CAMKMT: variants seen among roughly 807,000 people sequenced by gnomAD.
The protein encoded by CAMKMT is CaM KMT.
In CAMKMT, 53 loss-of-function variants were observed where a neutral mutation model predicts 48.0. The ratio of observed to expected loss-of-function variants is 1.10; its 90% CI spans 0.89 to 1.39. CAMKMT has a LOEUF of 1.39. Ranked by LOEUF, CAMKMT falls within the 40% of genes most tolerant of loss-of-function variation. The probability of loss-of-function intolerance (pLI) is 0.00; values close to 1 mark genes in which losing one functional copy is unlikely to be tolerated. For missense variants in CAMKMT, 428 were observed against 402.7 expected, an observed-to-expected ratio of 1.06 and a Z score of -0.54; for synonymous variants, 165 against 152.3, an observed-to-expected ratio of 1.08 and a Z score of -0.61.
At chr2:44,488,028 G>A (rs761906363) in intron 3 of CAMKMT, among the ~76,000 whole-genome samples, 28 of 152,188 alleles carry the variant, frequency 1.8e-4, no homozygotes, top group Non-Finnish European at 3.2e-4. Flanking sequence ...GTATGTAAGA[G>A]AACTCTAAAA....
rs143101225 is a variant in CAMKMT, at chr2:44,383,747, G to A, written c.312-6494G>A. On this transcript the variant is annotated intron_variant, in intron 2 of 10. Transcript: ENST00000378494. ...ATATGATGTTTGATTTTCCATTCCC[G>A]AGTTACTTCATTTAGAATAATAGTC... is the stretch of plus-strand genomic sequence containing the variant. Among the ~76,000 whole-genome samples, 526 of 152,152 alleles carry A rather than the reference G, an allele frequency of 3.5e-3. 2 individuals carry two copies. Among genetic ancestry groups the A allele is most frequent in the African/African-American group, 0.012 (490 of 41,486 alleles).
chr2:44,659,236 C>G (rs77798828), intron 3 of CAMKMT, among the ~76,000 whole-genome samples: 222 of 151,760 alleles, frequency 1.5e-3, no homozygotes, highest in African/African-American at 4.7e-3. Context: ...GCTTAGGCAA[C>G]ATAGTGAGAC....
chr2:44,595,927 T>C (rs1015424226), intron 3 of CAMKMT, among the ~76,000 whole-genome samples: 1 of 143,320 alleles, frequency 7.0e-6, no homozygotes, highest in Admixed American at 7.3e-5. Flanking sequence ...AAGTGGGAGC[T>C]GAACAATGAG....
rs145817820 is a variant in CAMKMT, at chr2:44,679,144, A to G, written c.377-25139A>G. Among the ~76,000 whole-genome samples, 1,363 of 152,290 alleles carry G rather than the reference A, an allele frequency of 9.0e-3. 11 individuals carry two copies. Among genetic ancestry groups the G allele is most frequent in the Non-Finnish European group, 0.015 (1,017 of 68,020 alleles). The stretch of plus-strand genomic sequence containing the variant: ...CATGGAGTTCAGGGTGGAAGTATTA[A>G]CTCAGAAAGTCAAACTCCAGTGTTT... On this transcript the variant is annotated intron_variant, in intron 3 of 10. Coordinates refer to ENST00000378494, the MANE Select transcript of CAMKMT (RefSeq NM_024766.5).
chr2:44,598,600 G>T (rs1434165692), intron 3 of CAMKMT, among the ~76,000 whole-genome samples: 1 of 150,528 alleles, frequency 6.6e-6, no homozygotes, highest in Admixed American at 6.7e-5. Context: ...TAGAATGTTA[G>T]CACAAAGTAG....
intron 3 of CAMKMT, among the ~76,000 whole-genome samples, chr2:44,647,943 C>T (rs1218059284): frequency 4.5e-5 from 6 of 134,010 alleles, no homozygotes; most frequent in African/African-American, 1.6e-4. Flanking sequence ...AAACTATGAA[C>T]AGCAATGATT....
At chr2:44,754,244 C>T (rs1223658372) in intron 9 of CAMKMT, 126 bp downstream of exon 9, 1 of 705,300 alleles carries the variant, frequency 1.4e-6, no homozygotes, top group African/African-American at 1.8e-5. Flanking sequence ...TTATGTCCAA[C>T]TTCAATTGGG....
chr2:44,582,631 T>A (rs1669627234), intron 3 of CAMKMT, among the ~76,000 whole-genome samples: 1 of 152,110 alleles, frequency 6.6e-6, no homozygotes, highest in South Asian at 2.1e-4. Flanking sequence ...TGGGCAATGA[T>A]TTTTTTTCCT....
chr2:44,545,159 T>A (rs1667327657), intron 3 of CAMKMT, among the ~76,000 whole-genome samples: 1 of 152,210 alleles, frequency 6.6e-6, no homozygotes, highest in South Asian at 2.1e-4. Flanking sequence ...CTCAAGGCTC[T>A]GTCACGGTAT....
At chr2:44,442,816 G>T (rs1666752813) in intron 3 of CAMKMT, among the ~76,000 whole-genome samples, 1 of 152,188 alleles carries the variant, frequency 6.6e-6, no homozygotes, top group African/African-American at 2.4e-5. Flanking sequence ...TTTCTGATGA[G>T]CTGCTGGAGC....
At chr2:44,627,376 T>C (rs1672539870) in intron 3 of CAMKMT, among the ~76,000 whole-genome samples, 1 of 152,160 alleles carries the variant, frequency 6.6e-6, no homozygotes, top group South Asian at 2.1e-4. Context: ...CTGGTTTTGG[T>C]ATCAGGGTAT....
chr2:44,599,853 T>C (rs1038597081), intron 3 of CAMKMT, among the ~76,000 whole-genome samples: 2 of 151,656 alleles, frequency 1.3e-5, no homozygotes, highest in Non-Finnish European at 2.9e-5. Context: ...TGTATGTTTC[T>C]CTTGTTGTTT....
intron 3 of CAMKMT, among the ~76,000 whole-genome samples, chr2:44,658,083 C>G (rs533304986): frequency 2.1e-4 from 32 of 152,234 alleles, no homozygotes; most frequent in African/African-American, 7.0e-4. Context: ...AAAATCATGT[C>G]AATTGACAGC....
Position 44,707,402 on chromosome 2 carries a change from G to A in CAMKMT, c.496G>A (p.Ala166Thr). The change falls in exon 6 of 11, where the codon GCT becomes ACT. Residue 166 changes from alanine (A) to threonine (T), a missense_variant. Transcript: ENST00000378494. ...TGTGCTCCCTTTTTTTTTTCAGGTT[G>A]CTATTTCTGCAGATGTCAAAGAAGT... is the stretch of plus-strand genomic sequence containing the variant. ...GMTCLAGLMV[A>T]ISADVKEVLL... 1 of 1,608,166 alleles carries A rather than the reference G, an allele frequency of 6.2e-7. No individual in the cohort carries two copies. Among genetic ancestry groups the A allele is most frequent in the Admixed American group, 1.7e-5 (1 of 59,296 alleles).
intron 3 of CAMKMT, among the ~76,000 whole-genome samples, chr2:44,655,619 A>G (rs565752585): frequency 2.0e-4 from 31 of 152,346 alleles, no homozygotes; most frequent in African/African-American, 7.0e-4. Flanking sequence ...GCAAATGAGA[A>G]TATGATTATC....
intron 3 of CAMKMT, among the ~76,000 whole-genome samples, chr2:44,702,951 T>G (rs1175851269): frequency 6.6e-6 from 1 of 152,152 alleles, no homozygotes; most frequent in Admixed American, 6.5e-5. Context: ...GGAAAAAAAT[T>G]AAGCCTTTTG....
At chr2:44,389,376 G>T (rs1165795393) in intron 2 of CAMKMT, among the ~76,000 whole-genome samples, 1 of 152,160 alleles carries the variant, frequency 6.6e-6, no homozygotes, top group Non-Finnish European at 1.5e-5. Flanking sequence ...GAAAGTGGGA[G>T]GCACACTTCA....
At position 44,656,894 on chromosome 2, in the gene CAMKMT, A is replaced by G. The variant is rs1424530643; in HGVS notation, c.377-47389A>G. ...GATCCCTCTCAAATACACTGGATAAATATTTTTCTGACACTGCAAGCAGGA... is the reference window on the plus strand; with the variant it reads ...GATCCCTCTCAAATACACTGGATAAGTATTTTTCTGACACTGCAAGCAGGA... On this transcript the variant is annotated intron_variant, in intron 3 of 10. Transcript: ENST00000378494. Among the ~76,000 whole-genome samples the G allele has an allele frequency of 5.3e-5, 8 of 152,294 alleles. No homozygotes were observed. In the East Asian group the frequency reaches 1.5e-3, roughly 29 times the overall value.
intron 3 of CAMKMT, among the ~76,000 whole-genome samples, chr2:44,661,052 G>T (rs1479499512): frequency 1.3e-5 from 2 of 152,098 alleles, no homozygotes; most frequent in African/African-American, 4.8e-5. Context: ...TAGTGGTAAA[G>T]TTGCTTTATT....
Sources: allele counts gnomAD v4.1 joint callset (sites outside exome capture counted in the v4.1 genomes callset), GRCh38; gene constraint gnomAD v4.1.1; transcripts MANE v1.5; gene names NCBI Gene and HGNC (gene_info 2026-07-23, HGNC 2026-07-21).